PRDM2: variants seen among roughly 807,000 people sequenced by gnomAD.
The protein encoded by PRDM2 is PR/SET domain 2, also known as PR domain zinc finger protein 2.
PRDM2 carries 30 observed loss-of-function variants against 130.0 expected under a neutral mutation model. The ratio of observed to expected loss-of-function variants is 0.23; its 90% CI spans 0.17 to 0.31. The LOEUF (loss-of-function observed/expected upper bound fraction) is 0.31, where lower values mean the gene tolerates loss of function less well. PRDM2 is among the 10% of genes least tolerant of loss of function. PRDM2 has a pLI of 1.00. For synonymous variants in PRDM2, 871 were observed against 782.4 expected, an observed-to-expected ratio of 1.11 and a Z score of -1.89; for missense variants, 2,011 against 2,108.4, an observed-to-expected ratio of 0.95 and a Z score of 0.90.
chr1:13,782,951 G>A (rs1222024427), intron 8 of PRDM2, 120 bp downstream of exon 8: 6 of 1,555,328 alleles, frequency 3.9e-6, no homozygotes, highest in Non-Finnish European at 5.2e-6. Context: ...GGAAATAGCT[G>A]TTGTATAAGT....
intron 3 of PRDM2, among the ~76,000 whole-genome samples, chr1:13,732,062 A>G (rs941257608): frequency 1.3e-5 from 2 of 151,930 alleles, no homozygotes; most frequent in African/African-American, 4.8e-5. Flanking sequence ...AAGGTGAGGG[A>G]ACCGATCTAA....
At chr1:13,702,897 C>T (rs188029554) in intron 1 of PRDM2, among the ~76,000 whole-genome samples, 28 of 152,244 alleles carry the variant, frequency 1.8e-4, no homozygotes, top group African/African-American at 6.3e-4. Context: ...GGGGGAAAAT[C>T]GTCAAACTTG....
chr1:13,729,927 A>C (rs893433702), intron 2 of PRDM2, among the ~76,000 whole-genome samples: 1 of 152,242 alleles, frequency 6.6e-6, no homozygotes, highest in African/African-American at 2.4e-5. Flanking sequence ...CCAAAAATTG[A>C]AATGCTGAGA....
chr1:13,763,596 G>T (rs963846366), intron 6 of PRDM2, among the ~76,000 whole-genome samples: 2 of 152,098 alleles, frequency 1.3e-5, no homozygotes, highest in Admixed American at 6.6e-5. Context: ...CAAAGTAGAG[G>T]CTTTTTCCAA....
intron 6 of PRDM2, among the ~76,000 whole-genome samples, chr1:13,749,806 G>T (rs1262540113): frequency 3.3e-5 from 5 of 152,074 alleles, no homozygotes; most frequent in Non-Finnish European, 7.4e-5. Flanking sequence ...CGCGGACGGC[G>T]TTCCGGGGCC....
At position 13,823,307 on chromosome 1, in the gene PRDM2, T is replaced by C. The variant is rs1645383289; in HGVS notation, c.*172T>C. The stretch of plus-strand genomic sequence containing the variant: ...TGTGCGTGCGTGTGTGTTCACGTGT[T>C]CTCGTGCGGGCGCGTGAGTGGTCTT... On this transcript the variant is annotated 3_prime_UTR_variant, in exon 10 of 10. Transcript: ENST00000311066. 2 of 1,207,658 alleles carry C rather than the reference T, an allele frequency of 1.7e-6. No individual in the cohort carries two copies. Among genetic ancestry groups the C allele is most frequent in the African/African-American group, 3.0e-5 (2 of 65,892 alleles). 74.8% of individuals were successfully genotyped at this position (1,207,658 alleles called of 1,614,324 possible).
Position 13,778,545 on chromosome 1 carries a change from A to G in PRDM2, c.750A>G (p.Pro250=). 2 of 1,614,200 alleles carry G rather than the reference A, an allele frequency of 1.2e-6. No homozygotes were observed. Among genetic ancestry groups the G allele is most frequent in the Non-Finnish European group, 1.7e-6 (2 of 1,180,036 alleles). The part of the protein sequence containing the change: ...ATPAPAWEPQ[P]EPDERLEAAA... ...CTGCCCCTGCCTGGGAGCCACAGCC[A>G]GAACCAGACGAGCGATTAGAAGCGG... Residue 250 remains proline (P), a synonymous_variant, in exon 8 of 10, where the codon CCA becomes CCG. Coordinates refer to ENST00000311066, the MANE Select transcript of PRDM2 (RefSeq NM_001393986.1).
intron 2 of PRDM2, among the ~76,000 whole-genome samples, chr1:13,716,373 C>T (rs1318013638): frequency 6.6e-6 from 1 of 151,532 alleles, no homozygotes; most frequent in Non-Finnish European, 1.5e-5. Flanking sequence ...GTGGGTGCAG[C>T]ACACCAGCAT....
Position 13,731,068 on chromosome 1 carries a change from TC to T in PRDM2, c.80del (p.Pro27ArgfsTer4), listed in dbSNP as rs1335007557. On this transcript the variant is annotated frameshift_variant, in exon 3 of 10. Transcript: ENST00000311066. LOFTEE classifies it high-confidence loss of function. ...EVPEHVLRGLPEEVRLFPSAV... is the reference protein window; with the variant it reads ...EVPEHVLRGLXEEVRLFPSAV... ...TACCCGAACATGTGCTGCGAGGACTTCCGGAGGAAGTGAGGCTTTTCCCTTC... is the reference window on the plus strand; with the variant it reads ...TACCCGAACATGTGCTGCGAGGACTTCGGAGGAAGTGAGGCTTTTCCCTTC... 10 of 1,611,896 alleles carry T rather than the reference TC, an allele frequency of 6.2e-6. No individual in the cohort carries two copies. Among genetic ancestry groups the T allele is most frequent in the Non-Finnish European group, 8.5e-6 (10 of 1,179,386 alleles).
intron 6 of PRDM2, among the ~76,000 whole-genome samples, chr1:13,760,273 G>C (rs771547124): frequency 4.6e-5 from 7 of 151,954 alleles, no homozygotes; most frequent in Non-Finnish European, 1.0e-4. Flanking sequence ...GGTGAACTTT[G>C]TTTTCATAGC....
At chr1:13,816,687 A>G in intron 9 of PRDM2, 117 bp downstream of exon 9, 1 of 1,358,988 alleles carries the variant, frequency 7.4e-7, no homozygotes. Flanking sequence ...GCTTGTGTGT[A>G]CCAGGCACGG....
chr1:13,812,089 G>A (rs1234138808), intron 8 of PRDM2, among the ~76,000 whole-genome samples: 1 of 152,208 alleles, frequency 6.6e-6, no homozygotes, highest in Non-Finnish European at 1.5e-5. Context: ...GTCCAGTGTC[G>A]TGGTCATGTC....
intron 2 of PRDM2, among the ~76,000 whole-genome samples, chr1:13,722,169 T>G (rs958854515): frequency 1.3e-5 from 2 of 152,162 alleles, no homozygotes; most frequent in African/African-American, 4.8e-5. Flanking sequence ...CGCCAACGTT[T>G]TCCTCCCTAT....
At chr1:13,753,636 A>T (rs1181998491) in intron 6 of PRDM2, among the ~76,000 whole-genome samples, 1 of 152,074 alleles carries the variant, frequency 6.6e-6, no homozygotes, top group Non-Finnish European at 1.5e-5. Context: ...AAGGTAGTCT[A>T]AAAAAAGTGC....
rs1383938160 is a variant in PRDM2, at chr1:13,779,644, C to A, written c.1849C>A (p.Gln617Lys). 6.2e-7 allele frequency: 1 copy of A among 1,613,940 alleles called. No homozygotes were observed. Among genetic ancestry groups the A allele is most frequent in the Non-Finnish European group, 8.5e-7 (1 of 1,179,982 alleles). Reference sequence around the variant, plus strand: ...AATTACTCAAAATATAAAGACCACACAGGTCCCTGTAACAGAAGATCTTCC... The same window carrying A: ...AATTACTCAAAATATAAAGACCACAAAGGTCCCTGTAACAGAAGATCTTCC... ...VEITQNIKTT[Q>K]VPVTEDLPKE... Residue 617 changes from glutamine to lysine, a missense_variant, in exon 8 of 10, where the codon CAG (glutamine) becomes AAG (lysine). Gln to Lys is a moderately conservative substitution (Grantham distance 53, BLOSUM62 1). Transcript: ENST00000311066. This position sits in a 1 kb window ranked among gnomAD's most constrained non-coding sequence, Gnocchi z 4.9.
chr1:13,790,093 G>A (rs1209232921), intron 8 of PRDM2, among the ~76,000 whole-genome samples: 1 of 152,214 alleles, frequency 6.6e-6, no homozygotes, highest in Non-Finnish European at 1.5e-5. Flanking sequence ...TGGGGAGCTT[G>A]TCAAAACCAC....
intron 6 of PRDM2, among the ~76,000 whole-genome samples, chr1:13,752,775 C>G (rs577970859): frequency 3.3e-5 from 5 of 152,080 alleles, no homozygotes; most frequent in Non-Finnish European, 7.4e-5. Flanking sequence ...AGACGGGATG[C>G]CTGGGCGTTT....
chr1:13,709,284 A>G (rs1055443427), intron 1 of PRDM2, among the ~76,000 whole-genome samples: 2 of 152,206 alleles, frequency 1.3e-5, no homozygotes, highest in African/African-American at 4.8e-5. Flanking sequence ...TGTTTGGTTT[A>G]AAGAATTTTC....
At chr1:13,752,039 T>C (rs998307008) in intron 6 of PRDM2, among the ~76,000 whole-genome samples, 1 of 151,612 alleles carries the variant, frequency 6.6e-6, no homozygotes. Context: ...GGCACTCTGC[T>C]GGGTTGTAGC....
Sources: gnomAD v4.1 joint callset for allele counts (sites outside exome capture counted in the v4.1 genomes callset) on GRCh38, gnomAD v4.1.1 for gene constraint, Gnocchi (gnomAD v3.1) non-coding constraint, MANE v1.5 for transcripts, NCBI Gene and HGNC (gene_info 2026-07-23, HGNC 2026-07-21) for gene names.